Variants in GPC6 observed in about 807,000 individuals in gnomAD.
GPC6 encodes glypican-6.
A neutral mutation model predicts 55.2 loss-of-function variants in GPC6; 14 were observed. The observed-to-expected ratio is 0.25, with a 90% CI of 0.17 to 0.40. The LOEUF is 0.40. Among genes scored for constraint, GPC6 ranks in the 10% least tolerant of loss-of-function variants. The pLI is 1.00. For synonymous variants in GPC6, 278 were observed against 259.6 expected (o/e 1.07, Z -0.68); for missense variants, 641 against 708.5 (o/e 0.90, Z 1.08).
chr13:93,427,442 C>T (rs543065668), intron 1 of GPC6, among the ~76,000 whole-genome samples: 102 of 151,554 alleles, frequency 6.7e-4, no homozygotes, highest in African/African-American at 2.2e-3. Context: ...TCAGAAATAA[C>T]GCCACATATC....
chr13:93,820,262 A>G (rs1886998959), intron 2 of GPC6, among the ~76,000 whole-genome samples: 1 of 152,168 alleles, frequency 6.6e-6, no homozygotes, highest in African/African-American at 2.4e-5. Context: ...ATGCATTAAA[A>G]TACATTATTA....
intron 1 of GPC6, among the ~76,000 whole-genome samples, chr13:93,365,257 C>T (rs1021931542): frequency 6.6e-6 from 1 of 152,078 alleles, no homozygotes; most frequent in African/African-American, 2.4e-5. Flanking sequence ...TGGCATTTTT[C>T]AGCCTCTCTT....
chr13:93,697,128 C>T (rs145221621), intron 2 of GPC6, among the ~76,000 whole-genome samples: 204 of 152,216 alleles, frequency 1.3e-3, no homozygotes, highest in African/African-American at 4.8e-3. Context: ...TTAGCATGAC[C>T]TGCAAGGCCC....
intron 3 of GPC6, among the ~76,000 whole-genome samples, chr13:93,944,169 ATTTTATTTATTT>A (rs1566615564): frequency 7.2e-6 from 1 of 138,212 alleles, no homozygotes; most frequent in African/African-American, 2.7e-5. Context: ...TCTTCCTTTT[ATTTTATTTATTT>A]ATTTATTTAT....
chr13:93,417,362 C>A (rs1876737465), intron 1 of GPC6, among the ~76,000 whole-genome samples: 2 of 152,058 alleles, frequency 1.3e-5, no homozygotes, highest in Admixed American at 1.3e-4. Flanking sequence ...CTTTCTTTCA[C>A]TAACTAAATG....
chr13:93,906,288 G>A (rs974439595), intron 3 of GPC6, among the ~76,000 whole-genome samples: 4 of 152,058 alleles, frequency 2.6e-5, no homozygotes, highest in African/African-American at 9.7e-5. Flanking sequence ...CTCTTACCAA[G>A]AGACCAGCCC....
intron 1 of GPC6, among the ~76,000 whole-genome samples, chr13:93,462,452 C>T (rs563288642): frequency 2.0e-5 from 3 of 152,160 alleles, no homozygotes; most frequent in African/African-American, 4.8e-5. Flanking sequence ...AATTACTTTC[C>T]TCCAATGTTA....
intron 8 of GPC6, among the ~76,000 whole-genome samples, chr13:94,402,139 G>A (rs954348014): frequency 2.6e-5 from 4 of 152,186 alleles, no homozygotes; most frequent in Non-Finnish European, 5.9e-5. Context: ...GAACACAGGT[G>A]GGGAAAAGGT....
At position 93,956,585 on chromosome 13, in the gene GPC6, G is replaced by A. The variant is rs1000655702; in HGVS notation, c.712-71144G>A. 7.2e-5 allele frequency among the ~76,000 whole-genome samples: 11 copies of A among 152,042 alleles called. No homozygotes were observed. The East Asian group carries it at 7.7e-4, about 11-fold the overall frequency. On this transcript the variant is annotated intron_variant, in intron 3 of 8. Coordinates refer to ENST00000377047, the MANE Select transcript of GPC6 (RefSeq NM_005708.5). ...GGCACAGCCTGCTCTTTCCACTTTC[G>A]CCCCAATCCTAAATGGAGATGACAC...
chr13:93,704,709 A>G lies in GPC6; in HGVS notation c.320-125445A>G, dbSNP rs1933776. On this transcript the variant is annotated intron_variant, in intron 2 of 8. Coordinates refer to ENST00000377047, the MANE Select transcript of GPC6 (RefSeq NM_005708.5). ...AAGTGAGTCTGTTGGCACATGCACA[A>G]TGTAAAAGCAAACATGGAAGCACTG... 7.8e-4 allele frequency among the ~76,000 whole-genome samples: 118 copies of G among 152,088 alleles called. 2 individuals carry two copies. The East Asian group carries it at 0.02, about 26-fold the overall frequency.
At chr13:94,192,749 GCA>G (rs781563544) in intron 4 of GPC6, among the ~76,000 whole-genome samples, 37 of 152,328 alleles carry the variant, frequency 2.4e-4, no homozygotes, top group Admixed American at 4.6e-4. Flanking sequence ...CTGGTCAACA[GCA>G]CAGAGAACAT....
intron 3 of GPC6, among the ~76,000 whole-genome samples, chr13:93,980,670 G>T (rs1474813682): frequency 1.3e-5 from 2 of 152,168 alleles, no homozygotes; most frequent in Admixed American, 6.6e-5. Context: ...GTCTCCAGGA[G>T]GTGGGGGCAT....
At chr13:93,775,701 C>T (rs1324400866) in intron 2 of GPC6, among the ~76,000 whole-genome samples, 9 of 152,170 alleles carry the variant, frequency 5.9e-5, no homozygotes, top group African/African-American at 1.9e-4. Context: ...TGTTTACATT[C>T]GGGCAGTCTG....
intron 3 of GPC6, among the ~76,000 whole-genome samples, chr13:93,920,710 C>A (rs1877525634): frequency 6.6e-6 from 1 of 152,118 alleles, no homozygotes; most frequent in African/African-American, 2.4e-5. Flanking sequence ...CAGTGCCAGC[C>A]CCCTAGTTCA....
intron 1 of GPC6, among the ~76,000 whole-genome samples, chr13:93,450,245 A>T (rs1406848674): frequency 6.6e-6 from 1 of 152,250 alleles, no homozygotes; most frequent in African/African-American, 2.4e-5. Context: ...AGAGAAAGTA[A>T]CATAAAAAGT....
intron 1 of GPC6, among the ~76,000 whole-genome samples, chr13:93,417,339 T>G (rs1368250151): frequency 6.6e-6 from 1 of 152,090 alleles, no homozygotes; most frequent in African/African-American, 2.4e-5. Flanking sequence ...ATACTCTTAT[T>G]TATTGCTGGT....
At chr13:94,067,578 T>TAGATAG (rs1884567144) in intron 4 of GPC6, among the ~76,000 whole-genome samples, 2 of 147,568 alleles carry the variant, frequency 1.4e-5, no homozygotes, top group South Asian at 2.2e-4. Flanking sequence ...ATAGATAGAT[T>TAGATAG]ATAGATAGAT....
chr13:93,262,068 A>T (rs568921665), intron 1 of GPC6, among the ~76,000 whole-genome samples: 2 of 152,076 alleles, frequency 1.3e-5, no homozygotes, highest in Non-Finnish European at 2.9e-5. Context: ...TGACATATTG[A>T]TGAGTATACA....
chr13:94,144,670 C>T (rs1240539149), intron 4 of GPC6, among the ~76,000 whole-genome samples: 2 of 151,682 alleles, frequency 1.3e-5, no homozygotes, highest in East Asian at 1.9e-4. Flanking sequence ...AATACCTGTT[C>T]CTGACATGCA....
Sources: gnomAD v4.1 joint callset for allele counts (sites outside exome capture counted in the v4.1 genomes callset) on GRCh38, gnomAD v4.1.1 for gene constraint, MANE v1.5 for transcripts, NCBI Gene and HGNC (gene_info 2026-07-23, HGNC 2026-07-21) for gene names.